Variants in TTC27 observed in about 807,000 individuals in gnomAD.
TTC27 encodes tetratricopeptide repeat domain 27.
In TTC27, 79 loss-of-function variants were observed where a neutral mutation model predicts 115.9. That is an observed-to-expected ratio of 0.68 (90% CI 0.57 to 0.82). The LOEUF (loss-of-function observed/expected upper bound fraction) is 0.82. Ranked by LOEUF, TTC27 falls within the 40% of genes least tolerant of loss-of-function variation. The pLI, the probability that TTC27 is intolerant of heterozygous loss-of-function variation, is 0.00. For missense variants in TTC27, 1,054 were observed against 993.1 expected (o/e 1.06, Z -0.82); for synonymous variants, 401 against 356.0 (o/e 1.13, Z -1.42).
chr2:32,770,485 A>G (rs1006790632), intron 13 of TTC27, among the ~76,000 whole-genome samples: 1 of 152,206 alleles, frequency 6.6e-6, no homozygotes, highest in Non-Finnish European at 1.5e-5. Flanking sequence ...AGGTCAAGTT[A>G]TAAAAAGCCC....
At chr2:32,744,024 G>A (rs1668734287) in intron 12 of TTC27, among the ~76,000 whole-genome samples, 1 of 152,184 alleles carries the variant, frequency 6.6e-6, no homozygotes, top group African/African-American at 2.4e-5. Context: ...TGTTTGCTGG[G>A]TAAGAATATT....
chr2:32,772,453 T>C (rs1262835118), intron 13 of TTC27, among the ~76,000 whole-genome samples: 1 of 152,234 alleles, frequency 6.6e-6, no homozygotes, highest in Admixed American at 6.5e-5. Flanking sequence ...TTTATGATGG[T>C]GCAAAAATGA....
chr2:32,755,988 A>AC (rs1389244932), intron 12 of TTC27, among the ~76,000 whole-genome samples: 1 of 152,196 alleles, frequency 6.6e-6, no homozygotes, highest in African/African-American at 2.4e-5. Context: ...ATGGGATATC[A>AC]TGGACTACCA....
At chr2:32,705,953 T>C (rs1375654025) in intron 10 of TTC27, among the ~76,000 whole-genome samples, 1 of 152,168 alleles carries the variant, frequency 6.6e-6, no homozygotes, top group Non-Finnish European at 1.5e-5. Context: ...TATTCTACTG[T>C]AAGGAAGAGC....
At chr2:32,725,767 A>G (rs1323052233) in intron 10 of TTC27, among the ~76,000 whole-genome samples, 2 of 152,172 alleles carry the variant, frequency 1.3e-5, no homozygotes, top group African/African-American at 2.4e-5. Flanking sequence ...CCGACCCCAC[A>G]TTTCCCTTCT....
chr2:32,663,680 GTATTTATTTATT>G (rs1313931097), intron 5 of TTC27, among the ~76,000 whole-genome samples: 1 of 54,580 alleles, frequency 1.8e-5, no homozygotes, highest in East Asian at 5.8e-4. Context: ...ATGTATGTAT[GTATTTATTTATT>G]TATTTATTTG....
At position 32,787,161 on chromosome 2, in the gene TTC27, C is replaced by G. The variant is rs1670377940; in HGVS notation, c.1998+12C>G. The G allele has an allele frequency of 6.2e-7, 1 of 1,601,394 alleles. No individual in the cohort carries two copies. The highest frequency in any genetic ancestry group is 8.5e-7 in the Non-Finnish European group (1 of 1,175,426). ...ACAAAGATGTTCAGGTAGGATATTC[C>G]TATTCCGTTATTTCAGTTTGTGTTT... On this transcript the variant is annotated intron_variant, in intron 16 of 19. Coordinates refer to ENST00000317907, the MANE Select transcript of TTC27 (RefSeq NM_017735.5).
intron 5 of TTC27, among the ~76,000 whole-genome samples, chr2:32,659,884 A>G (rs1361468022): frequency 6.6e-6 from 1 of 152,166 alleles, no homozygotes; most frequent in African/African-American, 2.4e-5. Context: ...CATGGTGTAT[A>G]TGTGCCACAT....
rs1190994268 is a variant in TTC27 at position 32,724,697 on chromosome 2, G to T, written c.1234-9131G>T. Among the ~76,000 whole-genome samples, 4 of 152,256 alleles carry T rather than the reference G, an allele frequency of 2.6e-5. No homozygotes were observed. The East Asian group carries it at 5.8e-4, about 22-fold the overall frequency. ...ATGGAACATTATTTTTGCTTGAAAGGACTATTGACAGATGAACTGATTATT... is the reference window on the plus strand; with the variant it reads ...ATGGAACATTATTTTTGCTTGAAAGTACTATTGACAGATGAACTGATTATT... On this transcript the variant is annotated intron_variant, in intron 10 of 19. Transcript: ENST00000317907.
chr2:32,755,368 G>T (rs936232187), intron 12 of TTC27, among the ~76,000 whole-genome samples: 3 of 152,206 alleles, frequency 2.0e-5, no homozygotes, highest in Non-Finnish European at 4.4e-5. Flanking sequence ...ATCACTCGCG[G>T]TTAGGAGCTG....
intron 4 of TTC27, among the ~76,000 whole-genome samples, chr2:32,647,574 T>C (rs1305219178): frequency 6.6e-6 from 1 of 152,212 alleles, no homozygotes; most frequent in Non-Finnish European, 1.5e-5. Flanking sequence ...GCATCACGGT[T>C]GTAGTAGTTG....
rs983512376 is a variant in TTC27, at chr2:32,727,389, C to T, written c.1234-6439C>T. Among the ~76,000 whole-genome samples, 3 of 152,122 alleles carry T rather than the reference C, an allele frequency of 2.0e-5. No homozygotes were observed. In the South Asian group the frequency reaches 6.2e-4, roughly 31 times the overall value. ...GAGTACTTTCTTGTTTGTTTTTAGACCAGTGGATTTTATTATAACAGAGTA... is the reference window on the plus strand; with the variant it reads ...GAGTACTTTCTTGTTTGTTTTTAGATCAGTGGATTTTATTATAACAGAGTA... On this transcript the variant is annotated intron_variant, in intron 10 of 19. Transcript: ENST00000317907.
intron 10 of TTC27, among the ~76,000 whole-genome samples, chr2:32,720,879 A>C (rs1667901922): frequency 6.6e-6 from 1 of 152,184 alleles, no homozygotes; most frequent in East Asian, 1.9e-4. Context: ...CGTGTGCTCT[A>C]TTGTATTTTC....
chr2:32,806,643 A>G (rs933473159), intron 16 of TTC27, among the ~76,000 whole-genome samples: 2 of 152,086 alleles, frequency 1.3e-5, no homozygotes, highest in South Asian at 4.2e-4. Context: ...TTAGCCGGGC[A>G]TGGTGGCACG....
chr2:32,788,727 G>C (rs2148023614), intron 16 of TTC27, among the ~76,000 whole-genome samples: 1 of 152,226 alleles, frequency 6.6e-6, no homozygotes, highest in South Asian at 2.1e-4. Context: ...GAAAATCCTG[G>C]TCATCCTTTC....
intron 12 of TTC27, among the ~76,000 whole-genome samples, chr2:32,752,107 A>C (rs1368776259): frequency 6.6e-6 from 1 of 152,176 alleles, no homozygotes; most frequent in Non-Finnish European, 1.5e-5. Flanking sequence ...GTTCAGTGCT[A>C]TCAGCAAGTC....
At chr2:32,655,662 T>C (rs1457004807) in intron 5 of TTC27, among the ~76,000 whole-genome samples, 2 of 152,198 alleles carry the variant, frequency 1.3e-5, no homozygotes, top group African/African-American at 4.8e-5. Context: ...CCTTTTTTGT[T>C]GGACAGTTTC....
At chr2:32,768,148 G>A (rs1572595619) in intron 13 of TTC27, among the ~76,000 whole-genome samples, 1 of 152,140 alleles carries the variant, frequency 6.6e-6, no homozygotes, top group Non-Finnish European at 1.5e-5. Flanking sequence ...TTATGGAAAT[G>A]TACAAAATTA....
chr2:32,633,963 T>A lies in TTC27; in HGVS notation c.354T>A (p.Pro118=). The part of the protein sequence containing the change: ...NWTGPPVDLH[P]QDFLSSVLFQ... ...CGGGGCCCCCTGTTGACTTACACCC[T>A]CAGGACTTTTTGTCATCTGTTTTGT... The change falls in exon 3 of 20, where the codon CCT becomes CCA. Residue 118 remains proline, a synonymous_variant. Transcript: ENST00000317907. 1 of 1,613,934 alleles carries A rather than the reference T, an allele frequency of 6.2e-7. No individual in the cohort carries two copies. The highest frequency in any genetic ancestry group is 1.7e-4 in the Middle Eastern group (1 of 6,060).
Sources: gnomAD v4.1 joint callset for allele counts (sites outside exome capture counted in the v4.1 genomes callset) on GRCh38, gnomAD v4.1.1 for gene constraint, MANE v1.5 for transcripts, NCBI Gene and HGNC (gene_info 2026-07-23, HGNC 2026-07-21) for gene names.